The following CSMD1 variants were observed in gnomAD, a reference collection of about 807,000 sequenced individuals.
The protein encoded by CSMD1 is CUB and Sushi multiple domains 1, also known as CUB and sushi domain-containing protein 1.
A neutral mutation model predicts 417.5 loss-of-function variants in CSMD1; 213 were observed. The observed-to-expected ratio is 0.51, with a 90% CI of 0.46 to 0.57. The LOEUF (loss-of-function observed/expected upper bound fraction) is 0.57, where lower values mean the gene tolerates loss of function less well. Among genes scored for constraint, CSMD1 ranks in the 20% least tolerant of loss-of-function variants. The pLI, the probability that CSMD1 is intolerant of heterozygous loss-of-function variation, is 0.00. For synonymous variants in CSMD1, 2,862 were observed against 1,736.8 expected (o/e 1.65, Z -16.11); for missense variants, 6,923 against 4,529.7 (o/e 1.53, Z -15.17).
At chr8:3,401,161 A>G (rs1812016764) in intron 15 of CSMD1, among the ~76,000 whole-genome samples, 1 of 151,984 alleles carries the variant, frequency 6.6e-6, no homozygotes, top group African/African-American at 2.4e-5. Context: ...GTCATGTTTA[A>G]CCATCCAAAG....
intron 4 of CSMD1, among the ~76,000 whole-genome samples, chr8:4,029,748 G>A (rs545843543): frequency 6.6e-5 from 10 of 152,172 alleles, no homozygotes; most frequent in African/African-American, 2.2e-4. Flanking sequence ...GCATTAACTC[G>A]AAATTCCACC....
intron 3 of CSMD1, among the ~76,000 whole-genome samples, chr8:4,330,908 C>G (rs1171932332): frequency 1.3e-5 from 2 of 152,068 alleles, no homozygotes; most frequent in African/African-American, 4.8e-5. Flanking sequence ...TATGTATGCC[C>G]AGCACCCTAC....
intron 15 of CSMD1, among the ~76,000 whole-genome samples, chr8:3,401,591 A>G (rs1812041699): frequency 1.3e-5 from 2 of 152,194 alleles, no homozygotes; most frequent in African/African-American, 4.8e-5. Flanking sequence ...ACACTGCCGT[A>G]ACTAACAGCC....
At chr8:4,495,054 A>G (rs1801911109) in intron 2 of CSMD1, among the ~76,000 whole-genome samples, 1 of 152,178 alleles carries the variant, frequency 6.6e-6, no homozygotes. Flanking sequence ...GAAAAGCACT[A>G]GGGACAGGGA....
At chr8:4,430,128 G>T (rs1797789171) in intron 2 of CSMD1, among the ~76,000 whole-genome samples, 1 of 152,186 alleles carries the variant, frequency 6.6e-6, no homozygotes, top group Non-Finnish European at 1.5e-5. Context: ...AGCTAAATGT[G>T]CTGATTCCAC....
At chr8:4,888,540 G>A (rs1009354488) in intron 1 of CSMD1, among the ~76,000 whole-genome samples, 2 of 151,990 alleles carry the variant, frequency 1.3e-5, no homozygotes, top group African/African-American at 2.4e-5. Flanking sequence ...GTATGTGTGT[G>A]TTTATGTGAG....
chr8:4,277,218 C>G (rs1416046192), intron 3 of CSMD1, among the ~76,000 whole-genome samples: 1 of 147,592 alleles, frequency 6.8e-6, no homozygotes, highest in African/African-American at 2.5e-5. Flanking sequence ...TATATATATA[C>G]ACACAGACAC....
chr8:3,276,101 GT>G lies in CSMD1; in HGVS notation c.4153+8042del, dbSNP rs200459388. On this transcript the variant is annotated intron_variant, in intron 26 of 69. Transcript: ENST00000635120. Reference sequence around the variant, plus strand: ...TTTGATGCTGTTGATGTACAGATGGGTTTTTGGTGTGGATGTCATTTCTGTT... The same window carrying G: ...TTTGATGCTGTTGATGTACAGATGGGTTTTGGTGTGGATGTCATTTCTGTT... 9.2e-3 allele frequency among the ~76,000 whole-genome samples: 1,401 copies of G among 152,222 alleles called. 9 individuals carry two copies. Among genetic ancestry groups the G allele is most frequent in the Middle Eastern group, 0.02 (6 of 294 alleles).
At chr8:3,254,959 GT>G (rs1304980648) in intron 26 of CSMD1, among the ~76,000 whole-genome samples, 1 of 152,096 alleles carries the variant, frequency 6.6e-6, no homozygotes, top group Non-Finnish European at 1.5e-5. Context: ...GATTTTTAGA[GT>G]TTACAGTTTT....
At chr8:4,479,651 T>G (rs772578362) in intron 2 of CSMD1, among the ~76,000 whole-genome samples, 8 of 152,116 alleles carry the variant, frequency 5.3e-5, no homozygotes, top group Non-Finnish European at 1.2e-4. Flanking sequence ...ATCCCAGCAC[T>G]TTGGGAGATC....
At chr8:3,191,562 C>G (rs1408216913) in intron 33 of CSMD1, among the ~76,000 whole-genome samples, 1 of 152,050 alleles carries the variant, frequency 6.6e-6, no homozygotes, top group African/African-American at 2.4e-5. Flanking sequence ...AAGCAAAAAC[C>G]CAGGGATATG....
At chr8:3,847,188 C>T (rs188397209) in intron 5 of CSMD1, among the ~76,000 whole-genome samples, 5 of 152,092 alleles carry the variant, frequency 3.3e-5, no homozygotes, top group Admixed American at 1.3e-4. Flanking sequence ...ACAGGTGGCG[C>T]GGTGTCACTC....
chr8:4,942,332 G>A (rs935414219), intron 1 of CSMD1, among the ~76,000 whole-genome samples: 2 of 151,868 alleles, frequency 1.3e-5, no homozygotes, highest in African/African-American at 4.8e-5. Flanking sequence ...CTGACAGATA[G>A]AATAACCCAT....
chr8:4,389,617 C>G (rs933494610), intron 3 of CSMD1, among the ~76,000 whole-genome samples: 1 of 152,142 alleles, frequency 6.6e-6, no homozygotes, highest in African/African-American at 2.4e-5. Context: ...AACTTCTCTA[C>G]AAATCCCTCC....
chr8:4,299,655 G>C (rs1030304480), intron 3 of CSMD1, among the ~76,000 whole-genome samples: 2 of 151,984 alleles, frequency 1.3e-5, no homozygotes, highest in African/African-American at 4.8e-5. Flanking sequence ...CTTTCTTTGA[G>C]ATGGAGTCTC....
intron 4 of CSMD1, among the ~76,000 whole-genome samples, chr8:4,027,549 A>C (rs754869854): frequency 7.9e-5 from 12 of 152,036 alleles, no homozygotes; most frequent in Non-Finnish European, 8.8e-5. Flanking sequence ...GTCCTGTGAA[A>C]ACGTGCCTTC....
intron 1 of CSMD1, among the ~76,000 whole-genome samples, chr8:4,638,295 C>T (rs959345268): frequency 1.3e-5 from 2 of 152,044 alleles, no homozygotes; most frequent in African/African-American, 4.8e-5. Context: ...ACACACCTAG[C>T]CACATAACTG....
chr8:4,723,081 G>C (rs1209777766), intron 1 of CSMD1, among the ~76,000 whole-genome samples: 1 of 152,156 alleles, frequency 6.6e-6, no homozygotes, highest in African/African-American at 2.4e-5. Flanking sequence ...ATAGAGGTCA[G>C]CTTTCTGTCT....
At chr8:4,937,372 T>A (rs1004402364) in intron 1 of CSMD1, among the ~76,000 whole-genome samples, 1 of 152,214 alleles carries the variant, frequency 6.6e-6, no homozygotes, top group Non-Finnish European at 1.5e-5. Context: ...TGGGACTTGA[T>A]GTAGTGTATT....
Sources: allele counts gnomAD v4.1 joint callset (sites outside exome capture counted in the v4.1 genomes callset), GRCh38; gene constraint gnomAD v4.1.1; transcripts MANE v1.5; gene names NCBI Gene and HGNC (gene_info 2026-07-23, HGNC 2026-07-21).